Variants in MPP7 observed in about 807,000 individuals in gnomAD.
MPP7 encodes MAGUK p55 scaffold protein 7.
In MPP7, 60 loss-of-function variants were observed where a neutral mutation model predicts 76.5. The ratio of observed to expected loss-of-function variants is 0.78; its 90% CI spans 0.64 to 0.97. The LOEUF is 0.97. MPP7 is among the 50% of genes least tolerant of loss of function. MPP7 has a pLI of 0.00. For synonymous variants in MPP7, 237 were observed against 244.5 expected (o/e 0.97, Z 0.29); for missense variants, 641 against 694.0 (o/e 0.92, Z 0.86).
At chr10:28,333,785 T>A (rs1464042191) in intron 1 of MPP7, among the ~76,000 whole-genome samples, 2 of 152,178 alleles carry the variant, frequency 1.3e-5, no homozygotes, top group Non-Finnish European at 2.9e-5. Context: ...TTTTTTTAAG[T>A]CTATCTAGAA....
At chr10:28,303,731 A>G (rs1404075479), upstream of MPP7, among the ~76,000 whole-genome samples, 1 of 152,256 alleles carries the variant, frequency 6.6e-6, no homozygotes, top group Non-Finnish European at 1.5e-5. Flanking sequence ...AAGGAAATCC[A>G]GAGAACTGAT....
At chr10:28,159,699 G>A (rs1321587939) in intron 3 of MPP7, among the ~76,000 whole-genome samples, 2 of 152,066 alleles carry the variant, frequency 1.3e-5, no homozygotes, top group Admixed American at 6.5e-5. Context: ...CCAAAACTCT[G>A]CAGCTGATAC....
intron 3 of MPP7, among the ~76,000 whole-genome samples, chr10:28,184,800 TTAA>T (rs1170954958): frequency 2.0e-5 from 3 of 146,654 alleles, no homozygotes; most frequent in Non-Finnish European, 4.5e-5. Flanking sequence ...TTAATATATA[TTAA>T]TATTACATAT....
chr10:28,253,425 G>A (rs1839681002), intron 1 of MPP7, among the ~76,000 whole-genome samples: 1 of 152,170 alleles, frequency 6.6e-6, no homozygotes, highest in Non-Finnish European at 1.5e-5. Flanking sequence ...AAGATGGACT[G>A]ACTTCTCTGC....
At chr10:28,274,518 T>C (rs939520476) in intron 1 of MPP7, among the ~76,000 whole-genome samples, 11 of 152,106 alleles carry the variant, frequency 7.2e-5, no homozygotes, top group Admixed American at 1.3e-4. Flanking sequence ...ATAAATAATA[T>C]AGTTTCACAA....
intron 11 of MPP7, among the ~76,000 whole-genome samples, chr10:28,107,906 T>G (rs1200643440): frequency 2.6e-5 from 4 of 152,234 alleles, no homozygotes; most frequent in East Asian, 3.8e-4. Flanking sequence ...GTACCGGGTA[T>G]CTGGCACACT....
chr10:28,236,585 G>A (rs569932888), intron 2 of MPP7: 8 of 152,050 alleles, frequency 5.3e-5, no homozygotes, highest in East Asian at 1.9e-4. Context: ...AAATGAGATC[G>A]GGGGAAAGCG....
chr10:28,226,212 A>G (rs1838684232), intron 2 of MPP7, among the ~76,000 whole-genome samples: 2 of 152,186 alleles, frequency 1.3e-5, no homozygotes, highest in African/African-American at 4.8e-5. Context: ...CAGAAAGTAG[A>G]ATGGTGATTG....
chr10:28,228,035 A>G (rs964166456), intron 2 of MPP7, among the ~76,000 whole-genome samples: 1 of 152,202 alleles, frequency 6.6e-6, no homozygotes, highest in South Asian at 2.1e-4. Flanking sequence ...CTTGCCCAAC[A>G]ATCTTAATTT....
At chr10:28,069,736 TGTA>T in intron 13 of MPP7, 33 bp downstream of exon 13, 1 of 1,461,068 alleles carries the variant, frequency 6.8e-7, no homozygotes, top group Middle Eastern at 1.8e-4. Flanking sequence ...TTATCGTAAG[TGTA>T]GTCATAGGAA....
chr10:28,280,747 C>T (rs1260653879), intron 1 of MPP7, among the ~76,000 whole-genome samples: 1 of 152,004 alleles, frequency 6.6e-6, no homozygotes, highest in Non-Finnish European at 1.5e-5. Flanking sequence ...CAGCCAAGAC[C>T]CTGATCATCT....
intron 3 of MPP7, among the ~76,000 whole-genome samples, chr10:28,150,339 T>C (rs138971140): frequency 3.4e-4 from 52 of 152,272 alleles, no homozygotes; most frequent in African/African-American, 1.2e-3. Flanking sequence ...GAAAACTAAG[T>C]CTTTGTCTTT....
chr10:28,211,578 T>C (rs1055637357), intron 2 of MPP7, among the ~76,000 whole-genome samples: 4 of 152,066 alleles, frequency 2.6e-5, no homozygotes, highest in African/African-American at 7.2e-5. Flanking sequence ...TTGGGGAAGA[T>C]AGACAACCTG....
intron 3 of MPP7, among the ~76,000 whole-genome samples, chr10:28,186,477 T>C (rs1037064715): frequency 2.6e-5 from 4 of 152,244 alleles, no homozygotes; most frequent in African/African-American, 9.6e-5. Context: ...TCCAAGGAAG[T>C]TGTAGATGGC....
At chr10:28,295,124 C>T (rs1373104215) in intron 1 of MPP7, among the ~76,000 whole-genome samples, 2 of 152,104 alleles carry the variant, frequency 1.3e-5, no homozygotes, top group Non-Finnish European at 1.5e-5. Context: ...CCGTGTGATC[C>T]CAAGGTATGC....
chr10:28,159,496 A>C (rs1166641679), intron 3 of MPP7, among the ~76,000 whole-genome samples: 1 of 152,120 alleles, frequency 6.6e-6, no homozygotes, highest in Non-Finnish European at 1.5e-5. Context: ...ACAAATTTGT[A>C]AATATCTTTC....
rs913757110 is a variant in MPP7 at position 28,053,266 on chromosome 10, T to C, written c.*799A>G. 1 of 152,192 alleles carries C rather than the reference T, an allele frequency of 6.6e-6. No individual in the cohort carries two copies. Among genetic ancestry groups the C allele is most frequent in the African/African-American group, 2.4e-5 (1 of 41,456 alleles). 9.4% of individuals were successfully genotyped at this position (152,192 alleles called of 1,614,324 possible). A position where few individuals can be genotyped will look rare whatever the true frequency, so the allele number is the denominator to read the frequency against. On this transcript the variant is annotated 3_prime_UTR_variant, in exon 17 of 17. Transcript: ENST00000683449. ...ATAACATTTTGGGTGACTTCATAAA[T>C]TGTCTTCTGAGGAATTACAAATAAA...
rs116798701 is a variant in MPP7 at position 28,327,072 on chromosome 10, T to C, written c.-132+2857A>G. Among the ~76,000 whole-genome samples, 387 of 152,122 alleles carry C rather than the reference T, an allele frequency of 2.5e-3. 1 individual carries two copies. The highest frequency in any genetic ancestry group is 9.0e-3 in the African/African-American group (375 of 41,508). On this transcript the variant is annotated intron_variant, in intron 2 of 11. Transcript: ENST00000441595. ...CATTTACTTGGGAAAGCAAAGCACA[T>C]GTGACCAGCTGCACTGAAAAACACC...
chr10:28,066,642 A>C (rs1481020026), intron 13 of MPP7, among the ~76,000 whole-genome samples: 1 of 152,214 alleles, frequency 6.6e-6, no homozygotes, highest in Non-Finnish European at 1.5e-5. Context: ...CTCTAACAAG[A>C]AGCAGAAAAT....
Sources: gnomAD v4.1 joint callset for allele counts (sites outside exome capture counted in the v4.1 genomes callset) on GRCh38, gnomAD v4.1.1 for gene constraint, MANE v1.5 for transcripts, NCBI Gene and HGNC (gene_info 2026-07-23, HGNC 2026-07-21) for gene names.